CACNB2: variants seen among roughly 807,000 people sequenced by gnomAD.
CACNB2 encodes the protein calcium voltage-gated channel auxiliary subunit beta 2.
A neutral mutation model predicts 73.3 loss-of-function variants in CACNB2; 42 were observed. The observed-to-expected ratio is 0.57, with a 90% confidence interval of 0.45 to 0.74. The LOEUF (loss-of-function observed/expected upper bound fraction) is 0.74. Among genes scored for constraint, CACNB2 ranks in the 30% least tolerant of loss-of-function variants. The pLI, the probability that CACNB2 is intolerant of heterozygous loss-of-function variation, is 0.00. For synonymous variants in CACNB2, 348 were observed against 310.3 expected (o/e 1.12, Z -1.28); for missense variants, 940 against 853.0 (o/e 1.10, Z -1.27).
At chr10:18,310,609 AAAAAAAAAAAAAAAAAAAAGT>A (rs2039923270) in intron 2 of CACNB2, among the ~76,000 whole-genome samples, 1 of 142,390 alleles carries the variant, frequency 7.0e-6, no homozygotes, top group Non-Finnish European at 1.5e-5. Flanking sequence ...CCATCTCAAA[AAAAAAAAAAAAAAAAAAAAGT>A]AAAAAAAAAA....
intron 2 of CACNB2, chr10:18,340,569 G>C: frequency 1.8e-6 from 1 of 554,880 alleles, no homozygotes; most frequent in Non-Finnish European, 2.5e-6. Flanking sequence ...GGGACCTGTC[G>C]CATCTGATAC....
intron 4 of CACNB2, 53 bp downstream of exon 4, chr10:18,498,530 C>G (rs2049979335): frequency 6.3e-7 from 1 of 1,586,534 alleles, no homozygotes; most frequent in South Asian, 1.1e-5. Context: ...CTTGACATAC[C>G]ATTTCTTATT....
At chr10:18,375,960 G>A (rs980655306) in intron 2 of CACNB2, among the ~76,000 whole-genome samples, 76 of 152,132 alleles carry the variant, frequency 5.0e-4, no homozygotes, top group Non-Finnish European at 9.7e-4. Context: ...TAAAAATAAA[G>A]CTACCATATG....
At chr10:18,493,408 C>T (rs1471079071) in intron 3 of CACNB2, among the ~76,000 whole-genome samples, 1 of 152,072 alleles carries the variant, frequency 6.6e-6, no homozygotes, top group Non-Finnish European at 1.5e-5. Flanking sequence ...TCTCGTGATC[C>T]GCCCACCTCT....
chr10:18,523,737 T>C (rs935542336), intron 9 of CACNB2, among the ~76,000 whole-genome samples: 3 of 152,186 alleles, frequency 2.0e-5, no homozygotes, highest in African/African-American at 7.2e-5. Flanking sequence ...CAATAGAGGA[T>C]GGAAATTCAA....
chr10:18,452,967 C>T (rs2047085114), intron 3 of CACNB2, among the ~76,000 whole-genome samples: 1 of 152,168 alleles, frequency 6.6e-6, no homozygotes, highest in African/African-American at 2.4e-5. Flanking sequence ...AGATAAAAAT[C>T]TCATCTCCGC....
At chr10:18,310,736 T>A (rs189431550) in intron 2 of CACNB2, among the ~76,000 whole-genome samples, 1 of 150,316 alleles carries the variant, frequency 6.7e-6, no homozygotes, top group Non-Finnish European at 1.5e-5. Flanking sequence ...TGCGCCACCA[T>A]GCCTGGCTAA....
At chr10:18,419,002 A>C (rs1035383236) in intron 3 of CACNB2, among the ~76,000 whole-genome samples, 1 of 152,240 alleles carries the variant, frequency 6.6e-6, no homozygotes, top group African/African-American at 2.4e-5. Context: ...CATTTGAGTC[A>C]ACCTACATTC....
chr10:18,431,924 C>A (rs1242800875), intron 3 of CACNB2, among the ~76,000 whole-genome samples: 1 of 152,032 alleles, frequency 6.6e-6, no homozygotes, highest in Admixed American at 6.6e-5. Flanking sequence ...GCCGCTATAC[C>A]CAGATAATTT....
intron 2 of CACNB2, among the ~76,000 whole-genome samples, chr10:18,379,945 C>A (rs533074570): frequency 6.6e-6 from 1 of 152,280 alleles, no homozygotes; most frequent in East Asian, 1.9e-4. Flanking sequence ...TCTTGGTCTC[C>A]CAAGGTGCTG....
intron 3 of CACNB2, among the ~76,000 whole-genome samples, chr10:18,461,495 G>A (rs1589425746): frequency 6.6e-6 from 1 of 151,850 alleles, no homozygotes; most frequent in Admixed American, 6.6e-5. Context: ...TGTGCTTTAA[G>A]CCAGTGGTCC....
intron 3 of CACNB2, among the ~76,000 whole-genome samples, chr10:18,460,327 T>C (rs1564573747): frequency 6.6e-6 from 1 of 152,208 alleles, no homozygotes; most frequent in Non-Finnish European, 1.5e-5. Flanking sequence ...TTTCTCTGAA[T>C]GATGAGCTCT....
chr10:18,254,662 G>C (rs1024559791), intron 2 of CACNB2, among the ~76,000 whole-genome samples: 1 of 152,220 alleles, frequency 6.6e-6, no homozygotes, highest in African/African-American at 2.4e-5. Context: ...ATGAAATAGA[G>C]TGTGCATTTT....
At chr10:18,163,293 T>C (rs2032606091) in intron 2 of CACNB2, among the ~76,000 whole-genome samples, 1 of 152,168 alleles carries the variant, frequency 6.6e-6, no homozygotes, top group Non-Finnish European at 1.5e-5. Flanking sequence ...GATTAATTAA[T>C]TGGCCTGAGT....
intron 2 of CACNB2, among the ~76,000 whole-genome samples, chr10:18,359,450 T>A (rs1003661920): frequency 6.6e-6 from 1 of 152,054 alleles, no homozygotes; most frequent in African/African-American, 2.4e-5. Flanking sequence ...TTTTTTTTAT[T>A]TTTAGCAGGG....
At chr10:18,349,955 C>T (rs751108024) in intron 2 of CACNB2, among the ~76,000 whole-genome samples, 18 of 152,070 alleles carry the variant, frequency 1.2e-4, no homozygotes, top group Non-Finnish European at 7.4e-5. Flanking sequence ...ATTTTTAATT[C>T]CGTAACAGCT....
chr10:18,220,203 A>ATATGTG (rs2035701177), intron 2 of CACNB2, among the ~76,000 whole-genome samples: 1 of 19,326 alleles, frequency 5.2e-5, no homozygotes, highest in Admixed American at 9.4e-4. Context: ...ATGTGTGTGT[A>ATATGTG]TATATATATA....
chr10:18,283,420 C>T (rs1300568078), intron 2 of CACNB2, among the ~76,000 whole-genome samples: 1 of 152,134 alleles, frequency 6.6e-6, no homozygotes, highest in Non-Finnish European at 1.5e-5. Context: ...GGAACCAACC[C>T]TTATGTCCAC....
rs558927915 is a variant in CACNB2, at chr10:18,452,976, G to A, written c.334-45379G>A. On this transcript the variant is annotated intron_variant, in intron 3 of 13. Coordinates refer to ENST00000324631, the MANE Select transcript of CACNB2 (RefSeq NM_201596.3). Reference sequence around the variant, plus strand: ...AAACCAAGATAAAAATCTCATCTCCGCTGACATCATAGCATCCATGCAGTT... The same window carrying A: ...AAACCAAGATAAAAATCTCATCTCCACTGACATCATAGCATCCATGCAGTT... Among the ~76,000 whole-genome samples, 209 of 152,182 alleles carry A rather than the reference G, an allele frequency of 1.4e-3. 1 individual carries two copies. Among genetic ancestry groups the A allele is most frequent in the Non-Finnish European group, 3.1e-4 (21 of 67,996 alleles).
Sources: allele counts gnomAD v4.1 joint callset (sites outside exome capture counted in the v4.1 genomes callset), GRCh38; gene constraint gnomAD v4.1.1; transcripts MANE v1.5; gene names NCBI Gene and HGNC (gene_info 2026-07-23, HGNC 2026-07-21).